Variants in KCNQ5 observed in about 807,000 individuals in gnomAD.
KCNQ5 encodes the protein potassium voltage-gated channel subfamily KQT member 5.
Under a neutral mutation model 98.2 loss-of-function variants are expected in KCNQ5, and 30 were observed. The ratio of observed to expected loss-of-function variants is 0.31; its 90% CI spans 0.23 to 0.41. The LOEUF is 0.41. Among genes scored for constraint, KCNQ5 ranks in the 10% least tolerant of loss-of-function variants. The pLI is 1.00. For missense variants in KCNQ5, 835 were observed against 1,182.5 expected (o/e 0.71, Z 4.31); for synonymous variants, 458 against 449.4 (o/e 1.02, Z -0.24).
At chr6:73,069,737 G>A (rs1037867056) in intron 3 of KCNQ5, among the ~76,000 whole-genome samples, 2 of 152,166 alleles carry the variant, frequency 1.3e-5, no homozygotes, top group Non-Finnish European at 2.9e-5. Context: ...AGGGAGAAGG[G>A]CCTTCTAGGC....
chr6:72,879,801 C>A (rs1474035574), intron 1 of KCNQ5, among the ~76,000 whole-genome samples: 1 of 151,958 alleles, frequency 6.6e-6, no homozygotes, highest in Non-Finnish European at 1.5e-5. Context: ...GTATTCCTTT[C>A]CAGTGGCCAC....
intron 3 of KCNQ5, among the ~76,000 whole-genome samples, chr6:73,074,564 T>C (rs1773437536): frequency 6.6e-6 from 1 of 152,254 alleles, no homozygotes; most frequent in Non-Finnish European, 1.5e-5. Context: ...CTTACTTTTC[T>C]AGGTTTTCTC....
intron 1 of KCNQ5, among the ~76,000 whole-genome samples, chr6:72,882,242 C>T (rs2150174046): frequency 6.6e-6 from 1 of 152,216 alleles, no homozygotes; most frequent in East Asian, 1.9e-4. Context: ...CAAAATATCC[C>T]AATTTAAATT....
chr6:72,781,148 T>C (rs1773444654), intron 1 of KCNQ5, among the ~76,000 whole-genome samples: 1 of 152,124 alleles, frequency 6.6e-6, no homozygotes, highest in African/African-American at 2.4e-5. Flanking sequence ...CTAAATCCCA[T>C]GACTGGTATC....
At chr6:72,937,266 T>C (rs1360309637) in intron 1 of KCNQ5, among the ~76,000 whole-genome samples, 1 of 152,200 alleles carries the variant, frequency 6.6e-6, no homozygotes, top group Non-Finnish European at 1.5e-5. Context: ...CTGTGTGATA[T>C]TCTGTAAGTC....
At chr6:72,786,632 AT>A (rs1773757113) in intron 1 of KCNQ5, among the ~76,000 whole-genome samples, 1 of 152,078 alleles carries the variant, frequency 6.6e-6, no homozygotes, top group Admixed American at 6.6e-5. Context: ...GAAAAACTTG[AT>A]TTATTCAAAG....
At chr6:73,141,610 C>T (rs1180193658) in intron 10 of KCNQ5, among the ~76,000 whole-genome samples, 1 of 152,160 alleles carries the variant, frequency 6.6e-6, no homozygotes, top group Non-Finnish European at 1.5e-5. Context: ...AAATAGCTTC[C>T]TGCTTGAGCT....
chr6:72,739,747 C>T (rs976475785), intron 1 of KCNQ5, among the ~76,000 whole-genome samples: 1 of 152,214 alleles, frequency 6.6e-6, no homozygotes, highest in Non-Finnish European at 1.5e-5. Context: ...TTAATTCCCA[C>T]AGCAGCTCTA....
chr6:73,117,328 T>C (rs1775546094), intron 7 of KCNQ5, among the ~76,000 whole-genome samples: 1 of 152,220 alleles, frequency 6.6e-6, no homozygotes, highest in Admixed American at 6.5e-5. Flanking sequence ...ACCTTCATTT[T>C]TACTGTTAAC....
intron 1 of KCNQ5, among the ~76,000 whole-genome samples, chr6:72,749,539 T>C (rs1264665655): frequency 2.0e-5 from 3 of 152,076 alleles, no homozygotes; most frequent in Non-Finnish European, 4.4e-5. Context: ...CTCCAACTGC[T>C]CACAAGTAGC....
intron 1 of KCNQ5, among the ~76,000 whole-genome samples, chr6:72,740,833 G>T (rs1771095639): frequency 6.6e-6 from 1 of 152,150 alleles, no homozygotes; most frequent in Non-Finnish European, 1.5e-5. Flanking sequence ...AGTCCTGTTA[G>T]CCCTTGTCTC....
At chr6:72,647,556 G>T (rs1021022499) in intron 1 of KCNQ5, among the ~76,000 whole-genome samples, 3 of 152,016 alleles carry the variant, frequency 2.0e-5, no homozygotes, top group Non-Finnish European at 4.4e-5. Context: ...CTGGCATATG[G>T]CCCTGAGGCA....
chr6:72,755,049 C>T (rs964941600), intron 1 of KCNQ5, among the ~76,000 whole-genome samples: 1 of 151,656 alleles, frequency 6.6e-6, no homozygotes, highest in Non-Finnish European at 1.5e-5. Flanking sequence ...CAGGTTTTTA[C>T]ATATTATTAA....
chr6:73,120,253 A>G (rs1429185429), intron 7 of KCNQ5, among the ~76,000 whole-genome samples: 1 of 152,064 alleles, frequency 6.6e-6, no homozygotes, highest in East Asian at 1.9e-4. Context: ...CTCAAAATAA[A>G]TAAATAATAA....
intron 2 of KCNQ5, among the ~76,000 whole-genome samples, chr6:73,034,289 A>G (rs1771291365): frequency 6.6e-6 from 1 of 152,224 alleles, no homozygotes. Flanking sequence ...GTATATGCAC[A>G]CACACAAAAA....
At chr6:72,737,735 G>A (rs1484348757) in intron 1 of KCNQ5, among the ~76,000 whole-genome samples, 1 of 152,068 alleles carries the variant, frequency 6.6e-6, no homozygotes, top group African/African-American at 2.4e-5. Context: ...TCTTATATTT[G>A]TACTTTATCA....
chr6:72,782,162 G>A (rs1390854935), intron 1 of KCNQ5, among the ~76,000 whole-genome samples: 1 of 151,960 alleles, frequency 6.6e-6, no homozygotes, highest in African/African-American at 2.4e-5. Flanking sequence ...TTTTCATAAA[G>A]GAAAGCTGGA....
chr6:72,892,705 A>G (rs1779103935), intron 1 of KCNQ5, among the ~76,000 whole-genome samples: 1 of 151,850 alleles, frequency 6.6e-6, no homozygotes, highest in South Asian at 2.1e-4. Flanking sequence ...TTTGAATGGA[A>G]CCTACCTTAA....
chr6:72,801,765 C>T (rs1252977007), intron 1 of KCNQ5, among the ~76,000 whole-genome samples: 8 of 151,996 alleles, frequency 5.3e-5, no homozygotes, highest in East Asian at 1.9e-4. Context: ...TGGCTGGTAC[C>T]GGTTGTTCCT....
Sources: gnomAD v4.1 joint callset for allele counts (sites outside exome capture counted in the v4.1 genomes callset) on GRCh38, gnomAD v4.1.1 for gene constraint, MANE v1.5 for transcripts, NCBI Gene and HGNC (gene_info 2026-07-23, HGNC 2026-07-21) for gene names.